Variants in ADGRD1 observed in about 807,000 individuals in gnomAD.
ADGRD1 encodes the protein adhesion G protein-coupled receptor D1.
Under a neutral mutation model 113.4 loss-of-function variants are expected in ADGRD1, and 77 were observed. That is an observed-to-expected ratio of 0.68 (90% confidence interval 0.57 to 0.82). The LOEUF is 0.82. ADGRD1 is among the 40% of genes least tolerant of loss of function. The pLI, the probability that ADGRD1 is intolerant of heterozygous loss-of-function variation, is 0.00. For missense variants in ADGRD1, 1,036 were observed against 1,139.1 expected, an observed-to-expected ratio of 0.91 and a Z score of 1.30; for synonymous variants, 474 against 475.0, an observed-to-expected ratio of 1.00 and a Z score of 0.03.
chr12:131,079,151 G>T (rs967382310), intron 14 of ADGRD1, among the ~76,000 whole-genome samples: 7 of 152,162 alleles, frequency 4.6e-5, no homozygotes, highest in Non-Finnish European at 4.4e-5. Context: ...ATAGTGTGTT[G>T]AGCGTCACCA....
intron 18 of ADGRD1, among the ~76,000 whole-genome samples, chr12:131,115,070 C>T (rs778433420): frequency 7.9e-5 from 12 of 152,154 alleles, no homozygotes; most frequent in South Asian, 2.1e-4. Flanking sequence ...AGAGAGATTG[C>T]GTAATGCCAT....
In ADGRD1 at chr12:130,984,931, CTCTT is replaced by C. The variant is rs1368473000; in HGVS notation, c.491-2160_491-2157del. Among the ~76,000 whole-genome samples, 2 of 150,640 alleles carry C rather than the reference CTCTT, an allele frequency of 1.3e-5. No homozygotes were observed. Among genetic ancestry groups the C allele is most frequent in the Admixed American group, 6.7e-5 (1 of 15,034 alleles). ...TCTCACTCTCTCTCTCCTCTCTTCT[CTCTT>C]TCTCTCTTTCTTTCTTTTTCTTTCT... On this transcript the variant is annotated intron_variant, in intron 5 of 24. Coordinates refer to ENST00000261654, the MANE Select transcript of ADGRD1 (RefSeq NM_198827.5). This position sits in a 1 kb window ranked among gnomAD's most constrained non-coding sequence, Gnocchi z 4.1.
intron 13 of ADGRD1, chr12:131,069,576 A>C (rs1310706695): frequency 6.6e-6 from 1 of 152,392 alleles, no homozygotes; most frequent in African/African-American, 2.4e-5. Context: ...AGGGGCTCAC[A>C]CACATGATCT....
chr12:131,086,016 C>T (rs769179087), intron 15 of ADGRD1, among the ~76,000 whole-genome samples: 21 of 152,114 alleles, frequency 1.4e-4, no homozygotes, highest in Non-Finnish European at 2.1e-4. Flanking sequence ...CAGCAGCTCC[C>T]GGGAGGGGGC....
chr12:131,092,557 A>T (rs914187459), intron 15 of ADGRD1, among the ~76,000 whole-genome samples: 2 of 152,006 alleles, frequency 1.3e-5, no homozygotes, highest in African/African-American at 4.8e-5. Flanking sequence ...GCAGGTGGCC[A>T]CTTCCTCCCA....
At chr12:130,973,360 T>C (rs1335333558) in intron 4 of ADGRD1, 2 of 152,246 alleles carry the variant, frequency 1.3e-5, no homozygotes, top group African/African-American at 4.8e-5. Flanking sequence ...GACCTTCCCA[T>C]ACAGTTGCTG....
At chr12:130,981,235 T>A (rs974049462) in intron 4 of ADGRD1, 5 of 152,114 alleles carry the variant, frequency 3.3e-5, no homozygotes, top group Non-Finnish European at 7.3e-5. Context: ...AACCTTAAGA[T>A]CCAGCAACAG....
At chr12:131,131,890 G>T in intron 21 of ADGRD1, 74 bp downstream of exon 21, 1 of 948,598 alleles carries the variant, frequency 1.1e-6, no homozygotes. Context: ...TCACAGGAGA[G>T]ATAGCCACTC....
intron 18 of ADGRD1, among the ~76,000 whole-genome samples, chr12:131,116,172 C>T (rs1950458796): frequency 6.6e-6 from 1 of 152,192 alleles, no homozygotes; most frequent in South Asian, 2.1e-4. Context: ...GTTCTCAGAC[C>T]CTTTGTCCTT....
chr12:130,966,636 T>TCCCAGGGCCATTGGGGGAC lies in ADGRD1; in HGVS notation c.187+91_187+109dup. ...GTGCTGAGAGTGGCTGGCCTTGAAATCCCAGGGCCATTGGGGGACGTGGGT... is the reference window on the plus strand; with the variant it reads ...GTGCTGAGAGTGGCTGGCCTTGAAATCCCAGGGCCATTGGGGGACCCCAGGGCCATTGGGGGACGTGGGT... On this transcript the variant is annotated intron_variant, in intron 3 of 24. Coordinates refer to ENST00000261654, the MANE Select transcript of ADGRD1 (RefSeq NM_198827.5). The surrounding 1 kb of genome is among the most constrained non-coding windows in gnomAD (Gnocchi z 4.6). 1.2e-6 allele frequency: 1 copy of TCCCAGGGCCATTGGGGGAC among 825,788 alleles called. No individual in the cohort carries two copies. Among genetic ancestry groups the TCCCAGGGCCATTGGGGGAC allele is most frequent in the South Asian group, 1.4e-5 (1 of 73,400 alleles). 51.2% of individuals were successfully genotyped at this position (825,788 alleles called of 1,614,324 possible).
In ADGRD1 at chr12:131,059,684, A is replaced by C. The variant is rs947615952; in HGVS notation, c.1474-17117A>C. On this transcript the variant is annotated intron_variant, in intron 13 of 24. Coordinates refer to ENST00000261654, the MANE Select transcript of ADGRD1 (RefSeq NM_198827.5). ...TAGATTTTGGATTTTCAGCTTAGGC[A>C]TGCTCAGCCGGGTACATATAATGCA... Among the ~76,000 whole-genome samples, 6 of 152,228 alleles carry C rather than the reference A, an allele frequency of 3.9e-5. No individual in the cohort carries two copies. In the East Asian group the frequency reaches 9.6e-4, roughly 24 times the overall value.
At chr12:130,958,694 C>T (rs1019367189) in intron 2 of ADGRD1, among the ~76,000 whole-genome samples, 6 of 152,248 alleles carry the variant, frequency 3.9e-5, no homozygotes, top group African/African-American at 1.4e-4. Flanking sequence ...CGCGTCTCCT[C>T]AGGAGCGCTC....
At chr12:131,070,532 C>T (rs1472481587) in intron 13 of ADGRD1, 3 of 196,486 alleles carry the variant, frequency 1.5e-5, no homozygotes, top group Non-Finnish European at 3.3e-5. Flanking sequence ...GCCCCTGGGG[C>T]TTCTGTAGGG....
In ADGRD1 at chr12:131,113,392, G is replaced by A. The variant is rs531303302; in HGVS notation, c.2041+4515G>A. Among the ~76,000 whole-genome samples the A allele has an allele frequency of 6.6e-6, 1 of 152,194 alleles. No homozygotes were observed. Among genetic ancestry groups the A allele is most frequent in the East Asian group, 1.9e-4 (1 of 5,174 alleles). On this transcript the variant is annotated intron_variant, in intron 18 of 24. Transcript: ENST00000261654. The surrounding 1 kb of genome is among the most constrained non-coding windows in gnomAD (Gnocchi z 4.9). ...GAGCTTTGCCCTTGCCCATCCCAAG[G>A]GGTCCCAGTGAGCACTGGAGGCTCT... is the stretch of plus-strand genomic sequence containing the variant.
intron 19 of ADGRD1, chr12:131,120,564 A>C: frequency 1.9e-6 from 1 of 522,442 alleles, no homozygotes. Context: ...GCCAGTCCCC[A>C]GCAAAGGTCT....
chr12:130,967,148 AG>A, intron 3 of ADGRD1: 1 of 419,110 alleles, frequency 2.4e-6, no homozygotes, highest in South Asian at 1.6e-5. Flanking sequence ...CAGATGTCAA[AG>A]GTCATGCCAA....
chr12:130,967,097 G>A (rs1048382281), intron 3 of ADGRD1: 28 of 449,922 alleles, frequency 6.2e-5, no homozygotes, highest in Non-Finnish European at 2.7e-5. Flanking sequence ...ATGGACTAGC[G>A]TCATCTGCAC....
intron 4 of ADGRD1, among the ~76,000 whole-genome samples, chr12:130,975,127 A>T (rs1272780021): frequency 6.6e-6 from 1 of 152,174 alleles, no homozygotes; most frequent in Non-Finnish European, 1.5e-5. Context: ...AGCTGAAAAT[A>T]GGAAGGGGCA....
intron 20 of ADGRD1, chr12:131,122,029 C>T (rs1329800534): frequency 1.3e-5 from 2 of 152,348 alleles, no homozygotes; most frequent in Non-Finnish European, 2.9e-5. Context: ...GGTGTGACCT[C>T]AGCAGAGTCT....
Sources: allele counts gnomAD v4.1 joint callset (sites outside exome capture counted in the v4.1 genomes callset), GRCh38; gene constraint gnomAD v4.1.1; non-coding constraint Gnocchi (gnomAD v3.1); transcripts MANE v1.5; gene names NCBI Gene and HGNC (gene_info 2026-07-23, HGNC 2026-07-21).